The following ENTREP2 variants were observed in gnomAD, a reference collection of about 807,000 sequenced individuals.
ENTREP2 encodes the protein endosomal transmembrane epsin interactor 2, also known as protein ENTREP2.
At chr15:29,253,678 T>C in the ENTREP2 span, among the ~76,000 whole-genome samples, 1 of 152,134 alleles carries the variant, frequency 6.6e-6, no homozygotes, top group African/African-American at 2.4e-5. Context: ...CTTGACCTCA[T>C]GATCTGCCCT....
At chr15:29,207,419 C>A in the ENTREP2 span, among the ~76,000 whole-genome samples, 3 of 145,706 alleles carry the variant, frequency 2.1e-5, no homozygotes, top group East Asian at 6.1e-4. Flanking sequence ...AGATCTTCCA[C>A]CTCCTACGAG....
At chr15:29,124,737 G>T in the ENTREP2 span, 2 of 1,550,534 alleles carry the variant, frequency 1.3e-6, no homozygotes, top group Non-Finnish European at 1.7e-6. Flanking sequence ...CTGGCTACAC[G>T]ACGGCCTGTG....
chr15:29,411,995 C>T, the ENTREP2 span, among the ~76,000 whole-genome samples: 1 of 152,162 alleles, frequency 6.6e-6, no homozygotes, highest in African/African-American at 2.4e-5. Context: ...GAGTCTTATA[C>T]GTGGTAGCAT....
At chr15:29,266,417 A>G in the ENTREP2 span, 1 of 152,212 alleles carries the variant, frequency 6.6e-6, no homozygotes, top group Non-Finnish European at 1.5e-5. Flanking sequence ...TGATTGCTCC[A>G]TTTGTTTCTG....
chr15:29,232,787 G>A, the ENTREP2 span, among the ~76,000 whole-genome samples: 1 of 152,230 alleles, frequency 6.6e-6, no homozygotes, highest in African/African-American at 2.4e-5. Flanking sequence ...GGGATTACAG[G>A]CGGTGTGCCA....
At chr15:29,467,488 G>C in the ENTREP2 span, among the ~76,000 whole-genome samples, 1 of 152,146 alleles carries the variant, frequency 6.6e-6, no homozygotes, top group African/African-American at 2.4e-5. Flanking sequence ...AAAACGCCAA[G>C]GAAACGGCCA....
chr15:29,178,069 G>A, the ENTREP2 span, among the ~76,000 whole-genome samples: 1 of 152,098 alleles, frequency 6.6e-6, no homozygotes, highest in Non-Finnish European at 1.5e-5. Context: ...GAGGCAGGAG[G>A]ATCACTTGAG....
the ENTREP2 span, among the ~76,000 whole-genome samples, chr15:29,389,601 A>G: frequency 3.8e-4 from 58 of 152,152 alleles, no homozygotes; most frequent in Non-Finnish European, 7.2e-4. Flanking sequence ...ATTTGGAAAC[A>G]CTGTGATGCT....
chr15:29,646,344 A>G, the ENTREP2 span, among the ~76,000 whole-genome samples: 1 of 152,158 alleles, frequency 6.6e-6, no homozygotes, highest in African/African-American at 2.4e-5. Context: ...GGCTCGAGGA[A>G]TAACCCATTT....
the ENTREP2 span, among the ~76,000 whole-genome samples, chr15:29,659,437 C>G: frequency 6.6e-6 from 1 of 152,098 alleles, no homozygotes; most frequent in Non-Finnish European, 1.5e-5. Context: ...CGCCATTGCC[C>G]TCCAGCCTAG....
chr15:29,656,499 T>C, the ENTREP2 span, among the ~76,000 whole-genome samples: 1 of 152,282 alleles, frequency 6.6e-6, no homozygotes, highest in East Asian at 1.9e-4. Flanking sequence ...AGTGCTACAA[T>C]TACAGGCGTG....
At chr15:29,122,821 A>G in the ENTREP2 span, 1 of 153,546 alleles carries the variant, frequency 6.5e-6, no homozygotes. Flanking sequence ...TTCCTTTCAC[A>G]GGAAATAGGC....
the ENTREP2 span, among the ~76,000 whole-genome samples, chr15:29,570,987 C>T: frequency 6.9e-6 from 1 of 145,424 alleles, no homozygotes; most frequent in African/African-American, 2.5e-5. Context: ...CCTCCCCCGC[C>T]CGCCCCGCGC....
chr15:29,134,509 C>T, the ENTREP2 span, among the ~76,000 whole-genome samples: 1 of 152,170 alleles, frequency 6.6e-6, no homozygotes, highest in Non-Finnish European at 1.5e-5. Flanking sequence ...TCTGGCCCAC[C>T]ACAAGCCACC....
chr15:29,132,007 C>A, the ENTREP2 span, among the ~76,000 whole-genome samples: 2 of 152,104 alleles, frequency 1.3e-5, no homozygotes, highest in African/African-American at 4.8e-5. Flanking sequence ...AGCCCACCCT[C>A]GTGGAGGCCG....
At chr15:29,339,563 C>A in the ENTREP2 span, among the ~76,000 whole-genome samples, 1 of 152,220 alleles carries the variant, frequency 6.6e-6, no homozygotes, top group Admixed American at 6.5e-5. Flanking sequence ...ATATTTCAAT[C>A]ATTAGATCTG....
At chr15:29,593,853 T>C in the ENTREP2 span, among the ~76,000 whole-genome samples, 2 of 152,186 alleles carry the variant, frequency 1.3e-5, no homozygotes, top group East Asian at 3.9e-4. Flanking sequence ...ATCTTGATTG[T>C]GGTGGTTACA....
chr15:29,449,729 T>C, the ENTREP2 span, among the ~76,000 whole-genome samples: 1 of 152,198 alleles, frequency 6.6e-6, no homozygotes. Flanking sequence ...ACTCAAGACT[T>C]TATTTTTCTC....
the ENTREP2 span, among the ~76,000 whole-genome samples, chr15:29,552,726 TACAAA>T: frequency 1.3e-5 from 2 of 152,318 alleles, no homozygotes; most frequent in South Asian, 2.1e-4. Flanking sequence ...GTTACACGTC[TACAAA>T]ACAAGAGAAT....
Sources: gnomAD v4.1 joint callset for allele counts (sites outside exome capture counted in the v4.1 genomes callset) on GRCh38, gnomAD v4.1.1 for gene constraint, MANE v1.5 for transcripts, NCBI Gene and HGNC (gene_info 2026-07-23, HGNC 2026-07-21) for gene names.